Variants in KIT observed in about 807,000 individuals in gnomAD.
KIT encodes the protein mast/stem cell growth factor receptor Kit.
Under a neutral mutation model 105.7 loss-of-function variants are expected in KIT, and 16 were observed. That is an observed-to-expected ratio of 0.15 (90% CI 0.10 to 0.23). KIT has a LOEUF of 0.23. KIT is among the 10% of genes least tolerant of loss of function. The probability of loss-of-function intolerance (pLI) is 1.00; values close to 1 mark genes in which losing one functional copy is unlikely to be tolerated. For synonymous variants in KIT, 438 were observed against 441.1 expected (o/e 0.99, Z 0.09); for missense variants, 858 against 1,213.8 (o/e 0.71, Z 4.36).
chr4:54,661,627 T>C (rs1256615717), intron 1 of KIT, among the ~76,000 whole-genome samples: 4 of 152,212 alleles, frequency 2.6e-5, no homozygotes, highest in African/African-American at 9.6e-5. Flanking sequence ...TGCATTAATG[T>C]GCGGTAACTT....
intron 1 of KIT, among the ~76,000 whole-genome samples, chr4:54,668,612 A>G (rs1019386868): frequency 1.3e-5 from 2 of 152,190 alleles, no homozygotes; most frequent in Non-Finnish European, 2.9e-5. Flanking sequence ...TCTGGAAGTT[A>G]ATGTGTCTCT....
intron 7 of KIT, among the ~76,000 whole-genome samples, chr4:54,711,069 G>C (rs752614420): frequency 5.3e-5 from 8 of 152,058 alleles, no homozygotes; most frequent in Non-Finnish European, 1.0e-4. Flanking sequence ...TTTTAGAGAT[G>C]GGGGTCTTGC....
At chr4:54,659,357 G>A (rs1362571421) in intron 1 of KIT, among the ~76,000 whole-genome samples, 1 of 152,168 alleles carries the variant, frequency 6.6e-6, no homozygotes, top group Non-Finnish European at 1.5e-5. Context: ...AGGTCGCCCA[G>A]CTCACCCCTG....
chr4:54,736,923 A>G (rs186865943), intron 19 of KIT, 103 bp downstream of exon 19: 3 of 854,836 alleles, frequency 3.5e-6, no homozygotes, highest in African/African-American at 3.4e-5. Context: ...ACAGTTTGAA[A>G]TGTCACTTGG....
chr4:54,721,633 C>G (rs112503053), intron 7 of KIT, among the ~76,000 whole-genome samples: 127 of 152,310 alleles, frequency 8.3e-4, no homozygotes, highest in African/African-American at 2.7e-3. Flanking sequence ...TGTGGATACT[C>G]TGATCTCCGC....
At chr4:54,693,095 A>G (rs1453958208) in intron 1 of KIT, among the ~76,000 whole-genome samples, 1 of 152,084 alleles carries the variant, frequency 6.6e-6, no homozygotes, top group African/African-American at 2.4e-5. Flanking sequence ...ACAGATCTCT[A>G]TTTCTGTCTT....
At chr4:54,718,273 G>C (rs1560410582) in intron 7 of KIT, among the ~76,000 whole-genome samples, 1 of 152,034 alleles carries the variant, frequency 6.6e-6, no homozygotes, top group South Asian at 2.1e-4. Context: ...GCTTATTTTT[G>C]TATTTTTAGT....
At chr4:54,668,543 C>T (rs1487300720) in intron 1 of KIT, among the ~76,000 whole-genome samples, 1 of 152,166 alleles carries the variant, frequency 6.6e-6, no homozygotes, top group Non-Finnish European at 1.5e-5. Flanking sequence ...TATGCGGGTT[C>T]TTAAGCAGAG....
chr4:54,729,100 A>T (rs1335479829), intron 13 of KIT, among the ~76,000 whole-genome samples: 1 of 152,164 alleles, frequency 6.6e-6, no homozygotes, highest in Non-Finnish European at 1.5e-5. Context: ...TTGGCTCCAA[A>T]TACTAATGTC....
intron 1 of KIT, among the ~76,000 whole-genome samples, chr4:54,686,532 A>G (rs1719322897): frequency 1.3e-5 from 2 of 152,284 alleles, no homozygotes; most frequent in South Asian, 4.1e-4. Context: ...TCACCTCATG[A>G]CTAAACCTGA....
At chr4:54,713,205 C>T (rs1042707746) in intron 7 of KIT, among the ~76,000 whole-genome samples, 3 of 152,084 alleles carry the variant, frequency 2.0e-5, no homozygotes, top group East Asian at 1.9e-4. Flanking sequence ...TTTTGGTGCA[C>T]CTGTCACCCA....
At chr4:54,695,853 A>G in intron 2 of KIT, 72 bp downstream of exon 2, 1 of 1,561,190 alleles carries the variant, frequency 6.4e-7, no homozygotes, top group Non-Finnish European at 8.8e-7. Context: ...TGGATGACAT[A>G]TGGATGACTG....
chr4:54,705,533 T>TC (rs1164135109), intron 5 of KIT, among the ~76,000 whole-genome samples: 3 of 152,216 alleles, frequency 2.0e-5, no homozygotes, highest in African/African-American at 7.2e-5. Context: ...ATTAATGTAT[T>TC]CATCATCTCA....
chr4:54,725,740 A>G, intron 8 of KIT, 117 bp from the exon 9 acceptor site: 1 of 990,092 alleles, frequency 1.0e-6, no homozygotes, highest in African/African-American at 1.6e-5. Flanking sequence ...GTAAAAGGAC[A>G]TTTTCTGTTG....
At chr4:54,701,136 A>T (rs1720428200) in intron 4 of KIT, among the ~76,000 whole-genome samples, 1 of 152,210 alleles carries the variant, frequency 6.6e-6, no homozygotes, top group South Asian at 2.1e-4. Context: ...TTTTCCCAGG[A>T]GCCCTGCATG....
At chr4:54,687,685 T>C (rs1438174294) in intron 1 of KIT, among the ~76,000 whole-genome samples, 1 of 152,018 alleles carries the variant, frequency 6.6e-6, no homozygotes, top group Non-Finnish European at 1.5e-5. Flanking sequence ...GGACTAGCTT[T>C]TCCTGATGCT....
At chr4:54,731,793 G>A (rs914960088) in intron 15 of KIT, 78 bp from the exon 16 acceptor site, 1 of 1,460,970 alleles carries the variant, frequency 6.8e-7, no homozygotes, top group Non-Finnish European at 9.6e-7. Context: ...CCAGCCTTTG[G>A]TATGTCATTG....
intron 5 of KIT, among the ~76,000 whole-genome samples, chr4:54,704,285 T>C (rs1720644865): frequency 1.3e-5 from 2 of 152,262 alleles, no homozygotes; most frequent in African/African-American, 4.8e-5. Flanking sequence ...AAACTTTTGG[T>C]AGGGGCTGTG....
chr4:54,695,169 C>A (rs1332952154), intron 1 of KIT, among the ~76,000 whole-genome samples: 1 of 152,094 alleles, frequency 6.6e-6, no homozygotes, highest in Non-Finnish European at 1.5e-5. Flanking sequence ...TCTGTTGTTT[C>A]TAAGCTGGGT....
Sources: allele counts gnomAD v4.1 joint callset (sites outside exome capture counted in the v4.1 genomes callset), GRCh38; gene constraint gnomAD v4.1.1; transcripts MANE v1.5; gene names NCBI Gene and HGNC (gene_info 2026-07-23, HGNC 2026-07-21).